Variants in TRIM33 observed in about 807,000 individuals in gnomAD.
TRIM33 encodes tripartite motif containing 33, also known as E3 ubiquitin-protein ligase TRIM33.
TRIM33 carries 20 observed loss-of-function variants against 125.4 expected under a neutral mutation model. The observed-to-expected ratio is 0.16, with a 90% CI of 0.11 to 0.23. TRIM33 has a LOEUF of 0.23. TRIM33 is among the 10% of genes least tolerant of loss of function. The probability of loss-of-function intolerance (pLI) is 1.00; values close to 1 mark genes in which losing one functional copy is unlikely to be tolerated. For synonymous variants in TRIM33, 564 were observed against 513.9 expected (o/e 1.10, Z -1.32); for missense variants, 920 against 1,411.4 (o/e 0.65, Z 5.58).
At chr1:114,429,630 GAAA>G (rs370027645) in intron 6 of TRIM33, among the ~76,000 whole-genome samples, 1 of 127,882 alleles carries the variant, frequency 7.8e-6, no homozygotes, top group Admixed American at 7.7e-5. Flanking sequence ...AGATGGGACA[GAAA>G]AAAAAAAAAA....
intron 4 of TRIM33, among the ~76,000 whole-genome samples, chr1:114,451,098 A>C (rs1237760403): frequency 6.6e-6 from 1 of 152,148 alleles, no homozygotes; most frequent in African/African-American, 2.4e-5. Context: ...CCCAGAGCTT[A>C]ATGGACAGAT....
intron 1 of TRIM33, among the ~76,000 whole-genome samples, chr1:114,499,894 C>T (rs1272885624): frequency 1.3e-5 from 2 of 152,182 alleles, no homozygotes; most frequent in African/African-American, 2.4e-5. Context: ...GGCACAGTGG[C>T]TCACACCTGT....
chr1:114,504,085 TTCTC>T (rs1214097200), intron 1 of TRIM33, among the ~76,000 whole-genome samples: 2 of 152,222 alleles, frequency 1.3e-5, no homozygotes, highest in Non-Finnish European at 2.9e-5. Flanking sequence ...TTTTTGTTCT[TTCTC>T]TAAGTGTGTG....
chr1:114,430,046 A>T (rs1647843468), intron 6 of TRIM33, among the ~76,000 whole-genome samples: 1 of 152,054 alleles, frequency 6.6e-6, no homozygotes, highest in Non-Finnish European at 1.5e-5. Flanking sequence ...TATAAATTTC[A>T]AAAAGAGCAG....
At position 114,464,311 on chromosome 1, in the gene TRIM33, T is replaced by G; in HGVS notation, c.604A>C (p.Thr202Pro). The G allele has an allele frequency of 6.2e-7, 1 of 1,611,934 alleles. No individual in the cohort carries two copies. Among genetic ancestry groups the G allele is most frequent in the Middle Eastern group, 1.7e-4 (1 of 6,056 alleles). Reference protein sequence around the residue: ...DLVDNYFVKDTSEAPSSSDEK... With the variant: ...DLVDNYFVKDPSEAPSSSDEK... ...TCAGAACTGCTAGGAGCTTCAGATG[T>G]GTCTTTCACAAAATAATTATCCACA... The change falls in exon 2 of 20, where the codon ACA (threonine) becomes CCA (proline). Residue 202 changes from threonine to proline, a missense_variant. By Grantham distance (38) the Thr-to-Pro change is conservative (BLOSUM62 -1). Around this residue, in one of 8 missense-constraint regions of TRIM33, gnomAD observed 75 missense variants for 123.9 expected, o/e 0.61. Coordinates refer to ENST00000358465, the MANE Select transcript of TRIM33 (RefSeq NM_015906.4).
intron 6 of TRIM33, among the ~76,000 whole-genome samples, chr1:114,429,226 C>T (rs865849535): frequency 1.7e-4 from 26 of 151,198 alleles, no homozygotes; most frequent in Admixed American, 1.2e-3. Context: ...CTCGCTCTGT[C>T]GCCCAGGCTG....
chr1:114,419,921 T>C (rs976293306), intron 11 of TRIM33, among the ~76,000 whole-genome samples: 17 of 152,184 alleles, frequency 1.1e-4, no homozygotes, highest in Non-Finnish European at 1.9e-4. Context: ...TATAGAAATA[T>C]CTTTTAAAAC....
chr1:114,442,687 CAAA>C (rs34847018), intron 4 of TRIM33, among the ~76,000 whole-genome samples: 2 of 73,842 alleles, frequency 2.7e-5, no homozygotes, highest in Non-Finnish European at 2.7e-5. Flanking sequence ...GACTCTGTCT[CAAA>C]AAAAAAAAAA....
intron 1 of TRIM33, among the ~76,000 whole-genome samples, chr1:114,482,284 C>G (rs574719048): frequency 6.6e-6 from 1 of 152,084 alleles, no homozygotes; most frequent in East Asian, 1.9e-4. Flanking sequence ...AGGAAAAAAA[C>G]ATCTAAAAGC....
intron 11 of TRIM33, among the ~76,000 whole-genome samples, chr1:114,411,227 T>C (rs1159752580): frequency 1.3e-5 from 2 of 151,808 alleles, no homozygotes; most frequent in South Asian, 2.1e-4. Context: ...TTTTTTTTTA[T>C]AGAGATGGGA....
intron 4 of TRIM33, among the ~76,000 whole-genome samples, chr1:114,440,641 T>A (rs537912469): frequency 5.3e-5 from 8 of 152,286 alleles, no homozygotes; most frequent in Non-Finnish European, 8.8e-5. Flanking sequence ...CTGGCTGATT[T>A]AAAATATTTA....
At chr1:114,445,850 T>C (rs564143004) in intron 4 of TRIM33, among the ~76,000 whole-genome samples, 3 of 151,966 alleles carry the variant, frequency 2.0e-5, no homozygotes, top group Non-Finnish European at 4.4e-5. Flanking sequence ...CCTTCTAAAT[T>C]GAAGATTTTT....
intron 15 of TRIM33, among the ~76,000 whole-genome samples, chr1:114,403,349 C>A (rs191120331): frequency 2.5e-4 from 38 of 152,252 alleles, no homozygotes; most frequent in Admixed American, 2.0e-3. Context: ...CAAACACATA[C>A]CTGCAGGCAC....
chr1:114,480,934 C>G (rs1014653394), intron 1 of TRIM33, among the ~76,000 whole-genome samples: 4 of 151,882 alleles, frequency 2.6e-5, no homozygotes, highest in African/African-American at 9.7e-5. Flanking sequence ...GTCACACTAA[C>G]ATCAGAAAAA....
At chr1:114,418,041 G>A (rs7515983) in intron 11 of TRIM33, among the ~76,000 whole-genome samples, 9,523 of 152,270 alleles carry the variant, frequency 0.063, 321 homozygotes, top group African/African-American at 0.086. Flanking sequence ...CTGCTATAAA[G>A]ATACTACCTG....
At chr1:114,492,970 TCTGAGGAACCACCAAA>T (rs1652158842) in intron 1 of TRIM33, among the ~76,000 whole-genome samples, 1 of 152,218 alleles carries the variant, frequency 6.6e-6, no homozygotes, top group African/African-American at 2.4e-5. Flanking sequence ...TGTTTAACTT[TCTGAGGAACCACCAAA>T]CTGTTTCCCA....
chr1:114,501,189 C>CA (rs775867907), intron 1 of TRIM33, among the ~76,000 whole-genome samples: 1,013 of 21,636 alleles, frequency 0.047, 42 homozygotes, highest in Non-Finnish European at 0.06. Context: ...GACTCCGTCT[C>CA]AAAAAAAAAA....
intron 1 of TRIM33, among the ~76,000 whole-genome samples, chr1:114,507,510 A>G (rs1246280584): frequency 6.6e-6 from 1 of 152,262 alleles, no homozygotes; most frequent in Non-Finnish European, 1.5e-5. Context: ...TATGATCTCC[A>G]GACCAGAGAT....
intron 1 of TRIM33, among the ~76,000 whole-genome samples, chr1:114,482,897 G>A (rs1367062868): frequency 6.6e-6 from 1 of 152,216 alleles, no homozygotes; most frequent in East Asian, 1.9e-4. Context: ...AAGAACCAGA[G>A]AAACCTCTTT....
Sources: allele counts gnomAD v4.1 joint callset (sites outside exome capture counted in the v4.1 genomes callset), GRCh38; gene constraint gnomAD v4.1.1; regional missense constraint gnomAD v4.1.1; transcripts MANE v1.5; gene names NCBI Gene and HGNC (gene_info 2026-07-23, HGNC 2026-07-21).